The following OBSL1 variants were observed in gnomAD, a reference collection of about 807,000 sequenced individuals.
OBSL1 encodes the protein obscurin-like protein 1.
Under a neutral mutation model 172.0 loss-of-function variants are expected in OBSL1, and 160 were observed. The observed-to-expected ratio is 0.93, with a 90% CI of 0.82 to 1.06. The LOEUF (loss-of-function observed/expected upper bound fraction) is 1.06. OBSL1 is among the 50% of genes least tolerant of loss of function. The pLI is 0.00. For missense variants in OBSL1, 2,681 were observed against 2,715.4 expected, an observed-to-expected ratio of 0.99 and a Z score of 0.28; for synonymous variants, 1,200 against 1,196.3, an observed-to-expected ratio of 1.00 and a Z score of -0.06.
rs1225954462 is a variant in OBSL1, at chr2:219,556,009, G to C, written c.4609+11C>G. ...GGTGGGTAATGCATTAAGAGAGGAC[G>C]GGGCACTCACGCCTCACGCTGAGCC... On this transcript the variant is annotated intron_variant, in intron 14 of 20. Coordinates refer to ENST00000404537, the MANE Select transcript of OBSL1 (RefSeq NM_015311.3). 6.2e-7 allele frequency: 1 copy of C among 1,612,782 alleles called. No individual in the cohort carries two copies. Among genetic ancestry groups the C allele is most frequent in the South Asian group, 1.1e-5 (1 of 91,030 alleles).
In OBSL1 at chr2:219,564,647, G is replaced by T. The variant is rs553433732; in HGVS notation, c.2407+595C>A. 1.7e-3 allele frequency among the ~76,000 whole-genome samples: 259 copies of T among 152,346 alleles called. 2 individuals are homozygous for T. The highest frequency in any genetic ancestry group is 5.8e-3 in the African/African-American group (242 of 41,578). On this transcript the variant is annotated intron_variant, in intron 6 of 20. Transcript: ENST00000404537. ...ACAGTGTTAGTGTATCAGGGGTTTA[G>T]GAGGCAAAGGCACGCTGTGCGTGGC...
Position 219,570,316 on chromosome 2 carries a change from A to G in OBSL1, c.917T>C (p.Val306Ala). The G allele has an allele frequency of 6.2e-7, 1 of 1,611,750 alleles. No homozygotes were observed. The highest frequency in any genetic ancestry group is 8.5e-7 in the Non-Finnish European group (1 of 1,178,766). ...RDRDGGFVLK[V>A]LYCQAKDRGL... ...ACGATCCTTGGCCTGGCAGTAAAGC[A>G]CCTTGAGCACGAAGCCGCCGTCGCG... Residue 306 changes from valine to alanine, a missense_variant, in exon 1 of 21, where the codon GTG (valine) becomes GCG (alanine). Physicochemically the swap from Val to Ala is moderately conservative, Grantham distance 64. Around this residue, in one of 5 missense-constraint regions of OBSL1, gnomAD observed 706 missense variants for 695.8 expected, o/e 1.01. Coordinates refer to ENST00000404537, the MANE Select transcript of OBSL1 (RefSeq NM_015311.3).
Position 219,552,922 on chromosome 2 carries a change from A to G in OBSL1, c.5092T>C (p.Tyr1698His), listed in dbSNP as rs1467678387. ...CGGGCCGTCCCCACCGCGCAGCTGT[A>G]GGTCCCGGCGTCCGAGGGGCCGCAG... The part of the protein sequence containing the change: ...RRCGPSDAGT[Y>H]SCAVGTARAG... Residue 1698 changes from tyrosine (Y) to histidine (H), a missense_variant, in exon 17 of 21, where the codon TAC becomes CAC. By Grantham distance (83) the Tyr-to-His change is moderately conservative. This residue lies in a region of OBSL1 where 1,765 missense variants were observed against 1,748.3 expected (regional missense o/e 1.01). Transcript: ENST00000404537. The G allele has an allele frequency of 3.9e-6, 6 of 1,538,330 alleles. No homozygotes were observed. The highest frequency in any genetic ancestry group is 8.7e-7 in the Non-Finnish European group (1 of 1,144,778).
chr2:219,554,560 AC>A lies in OBSL1; in HGVS notation c.4789del (p.Val1597TyrfsTer28), dbSNP rs1695861142. ...GTCGGCCAGGCCCAGGCCATTGAGTACCAGTCGGTGACGGTGGCCGTCCGAG... is the reference window on the plus strand; with the variant it reads ...GTCGGCCAGGCCCAGGCCATTGAGTACAGTCGGTGACGGTGGCCGTCCGAG... ...IHSDGHRHRLVLNGLGLADSG... is the reference protein window; with the variant it reads ...IHSDGHRHRLXLNGLGLADSG... On this transcript the variant is annotated frameshift_variant, in exon 15 of 21. Transcript: ENST00000404537. LOFTEE classifies it high-confidence loss of function. 6.2e-7 allele frequency: 1 copy of A among 1,613,444 alleles called. No individual in the cohort carries two copies. The highest frequency in any genetic ancestry group is 1.3e-5 in the African/African-American group (1 of 75,026).
At position 219,568,931 on chromosome 2, in the gene OBSL1, T is replaced by G. The variant is rs1201251958; in HGVS notation, c.1013-607A>C. On this transcript the variant is annotated intron_variant, in intron 1 of 20. Coordinates refer to ENST00000404537, the MANE Select transcript of OBSL1 (RefSeq NM_015311.3). This position sits in a 1 kb window ranked among gnomAD's most constrained non-coding sequence, Gnocchi z 4.1. ...CTGGCTAATGATTTTGTATTTTTAGTAGAGATGGGGTTTTGCCATGTTGGC... is the reference window on the plus strand; with the variant it reads ...CTGGCTAATGATTTTGTATTTTTAGGAGAGATGGGGTTTTGCCATGTTGGC... Among the ~76,000 whole-genome samples, 1 of 151,768 alleles carries G rather than the reference T, an allele frequency of 6.6e-6. No homozygotes were observed. The highest frequency in any genetic ancestry group is 1.5e-5 in the Non-Finnish European group (1 of 67,910).
In OBSL1 at chr2:219,570,929, G is replaced by T; in HGVS notation, c.304C>A (p.Leu102Met). ...TCGGGGTCGGAGGCCGGCGGCTCCA[G>T]CACGGTGACGGCGGCCGCCGCGTAG... ...EAYAAAAVTV[L>M]EPPASDPELQ... is the part of the protein sequence containing the mutation. The change falls in exon 1 of 21, where the codon CTG (leucine) becomes ATG (methionine). Residue 102 changes from leucine to methionine, a missense_variant. Leu to Met is a conservative substitution (Grantham distance 15). Coordinates refer to ENST00000404537, the MANE Select transcript of OBSL1 (RefSeq NM_015311.3). 1.6e-6 allele frequency: 2 copies of T among 1,286,788 alleles called. No individual in the cohort carries two copies. The highest frequency in any genetic ancestry group is 5.5e-5 in the South Asian group (2 of 36,056). 79.7% of individuals were successfully genotyped at this position (1,286,788 alleles called of 1,614,324 possible).
Position 219,568,287 on chromosome 2 carries a change from C to T in OBSL1, c.1050G>A (p.Val350=), listed in dbSNP as rs753642246. 7 of 1,608,392 alleles carry T rather than the reference C, an allele frequency of 4.4e-6. No homozygotes were observed. Among genetic ancestry groups the T allele is most frequent in the Non-Finnish European group, 5.1e-6 (6 of 1,177,722 alleles). ...CGGCAATCCCGTGCTCACGGCCCTC[C>T]ACGTCCTGCAGGGGCCGTGTGAACC... The part of the protein sequence containing the change: ...RLRFTRPLQD[V]EGREHGIAVL... Residue 350 remains valine, a synonymous_variant, in exon 2 of 21, where the codon GTG becomes GTA. Coordinates refer to ENST00000404537, the MANE Select transcript of OBSL1 (RefSeq NM_015311.3). The surrounding 1 kb of genome is among the most constrained non-coding windows in gnomAD (Gnocchi z 4.1).
chr2:219,551,033 C>T, intron 20 of OBSL1, 191 bp from the exon 21 acceptor site: 7 of 1,446,010 alleles, frequency 4.8e-6, no homozygotes, highest in Non-Finnish European at 6.3e-6. Context: ...CACAGCGCGG[C>T]ACCTGAAGGG....
chr2:219,562,435 C>T lies in OBSL1; in HGVS notation c.2920G>A (p.Asp974Asn), dbSNP rs369804300. The change falls in exon 8 of 21, where the codon GAT (aspartate) becomes AAT (asparagine). Residue 974 changes from aspartate to asparagine, a missense_variant. By Grantham distance (23) the Asp-to-Asn change is conservative. Coordinates refer to ENST00000404537, the MANE Select transcript of OBSL1 (RefSeq NM_015311.3). ...DSGEYLCEID[D>N]ESASFTVTVT... ...GTGACAGTGAAGGAGGCCGACTCAT[C>T]GTCAATTTCACACAAGTACTCGCCG... 3.0e-5 allele frequency: 49 copies of T among 1,613,942 alleles called. No individual in the cohort carries two copies. In the African/African-American group the frequency reaches 5.1e-4, roughly 17 times the overall value.
intron 8 of OBSL1, among the ~76,000 whole-genome samples, chr2:219,559,856 A>G (rs1696335968): frequency 6.6e-6 from 1 of 152,344 alleles, no homozygotes; most frequent in East Asian, 1.9e-4. Flanking sequence ...ATACAAGCAT[A>G]TATCTATAAG....
intron 6 of OBSL1, among the ~76,000 whole-genome samples, 197 bp from the exon 7 acceptor site, chr2:219,563,824 A>G (rs1307084810): frequency 1.3e-5 from 2 of 152,142 alleles, no homozygotes; most frequent in African/African-American, 4.8e-5. Context: ...ATCATGTGGC[A>G]CCAGAGTGCT....
At chr2:219,565,603 G>C in intron 5 of OBSL1, 89 bp from the exon 6 acceptor site, 1 of 1,357,178 alleles carries the variant, frequency 7.4e-7, no homozygotes, top group Non-Finnish European at 1.0e-6. Context: ...TGCTGTTGTT[G>C]GGGTTTTTAA....
At chr2:219,563,665 C>T in intron 6 of OBSL1, 38 bp from the exon 7 acceptor site, 1 of 1,588,754 alleles carries the variant, frequency 6.3e-7, no homozygotes, top group Admixed American at 1.7e-5. Context: ...ACAGACACCC[C>T]CGCACAATGA....
chr2:219,570,309 G>A lies in OBSL1; in HGVS notation c.924C>T (p.Tyr308=). Residue 308 remains tyrosine, a synonymous_variant, in exon 1 of 21, where the codon TAC becomes TAT. Coordinates refer to ENST00000404537, the MANE Select transcript of OBSL1 (RefSeq NM_015311.3). ...AGAGCCCACGATCCTTGGCCTGGCA[G>A]TAAAGCACCTTGAGCACGAAGCCGC... The part of the protein sequence containing the change: ...RDGGFVLKVL[Y]CQAKDRGLYV... The A allele has an allele frequency of 6.2e-7, 1 of 1,611,564 alleles. No homozygotes were observed. The highest frequency in any genetic ancestry group is 2.2e-5 in the East Asian group (1 of 44,796).
intron 8 of OBSL1, among the ~76,000 whole-genome samples, chr2:219,561,350 G>A (rs1027059562): frequency 6.6e-6 from 1 of 152,072 alleles, no homozygotes; most frequent in Non-Finnish European, 1.5e-5. Context: ...GTCACCCCGA[G>A]GTCTCCGGCA....
chr2:219,549,719 C>G, downstream of OBSL1: 1 of 1,613,902 alleles, frequency 6.2e-7, no homozygotes, highest in Non-Finnish European at 8.5e-7. Context: ...CCCCACAGAG[C>G]TATATCCAGA....
In OBSL1 at chr2:219,568,354, G is replaced by A. The variant is rs754818072; in HGVS notation, c.1013-30C>T. On this transcript the variant is annotated intron_variant, in intron 1 of 20. Transcript: ENST00000404537. The surrounding 1 kb of genome is among the most constrained non-coding windows in gnomAD (Gnocchi z 4.1). Reference sequence around the variant, plus strand: ...GGAGAGGGGAGAGAGAGACAAGAGAGGGCTCTGGAGAAGGCCCAGACTAGG... The same window carrying A: ...GGAGAGGGGAGAGAGAGACAAGAGAAGGCTCTGGAGAAGGCCCAGACTAGG... 2.5e-6 allele frequency: 4 copies of A among 1,573,832 alleles called. No homozygotes were observed. The African/African-American group carries it at 5.4e-5, about 21-fold the overall frequency.
At position 219,563,510 on chromosome 2, in the gene OBSL1, T is replaced by C; in HGVS notation, c.2525A>G (p.Lys842Arg). ...DREDAPVRWY[K>R]DGQEVEESDF... is the part of the protein sequence containing the mutation. ...ACTCTCCTCCACCTCCTGCCCGTCC[T>C]TGTACCAACGCACAGGGGCGTCCTC... is the stretch of plus-strand genomic sequence containing the variant. The change falls in exon 7 of 21, where the codon AAG becomes AGG. Residue 842 changes from lysine to arginine, a missense_variant. Lys to Arg is a conservative substitution (Grantham distance 26). This residue lies in a region of OBSL1 where 1,765 missense variants were observed against 1,748.3 expected (regional missense o/e 1.01). Coordinates refer to ENST00000404537, the MANE Select transcript of OBSL1 (RefSeq NM_015311.3). 1 of 1,613,848 alleles carries C rather than the reference T, an allele frequency of 6.2e-7. No individual in the cohort carries two copies. Among genetic ancestry groups the C allele is most frequent in the Non-Finnish European group, 8.5e-7 (1 of 1,179,868 alleles).
In OBSL1 at chr2:219,563,542, C is replaced by T; in HGVS notation, c.2493G>A (p.Val831=). The change falls in exon 7 of 21, where the codon GTG becomes GTA. Residue 831 remains valine (V), a synonymous_variant. Transcript: ENST00000404537. The stretch of plus-strand genomic sequence containing the variant: ...AACGCACAGGGGCGTCCTCTCGGTC[C>T]ACCTCACAGGCCAGCATGACACACT... ...TSECVMLACE[V]DREDAPVRWY... is the part of the protein sequence containing the mutation. The T allele has an allele frequency of 1.2e-6, 2 of 1,613,960 alleles. No individual in the cohort carries two copies. Among genetic ancestry groups the T allele is most frequent in the Non-Finnish European group, 1.7e-6 (2 of 1,179,884 alleles).
Sources: gnomAD v4.1 joint callset for allele counts (sites outside exome capture counted in the v4.1 genomes callset) on GRCh38, gnomAD v4.1.1 for gene constraint, gnomAD v4.1.1 regional missense constraint, Gnocchi (gnomAD v3.1) non-coding constraint, MANE v1.5 for transcripts, NCBI Gene and HGNC (gene_info 2026-07-23, HGNC 2026-07-21) for gene names.